Variants in JMJD1C observed in about 807,000 individuals in gnomAD.
JMJD1C encodes jumonji domain-containing protein 1C.
JMJD1C carries 31 observed loss-of-function variants against 245.3 expected under a neutral mutation model. That is an observed-to-expected ratio of 0.13 (90% CI 0.09 to 0.17). The LOEUF (loss-of-function observed/expected upper bound fraction) is 0.17. JMJD1C is among the 10% of genes least tolerant of loss of function. JMJD1C has a pLI of 1.00. For missense variants in JMJD1C, 2,691 were observed against 3,000.2 expected (o/e 0.90, Z 2.41); for synonymous variants, 1,057 against 1,017.4 (o/e 1.04, Z -0.74).
chr10:63,289,955 A>G (rs1395826110), intron 2 of JMJD1C, among the ~76,000 whole-genome samples: 1 of 152,100 alleles, frequency 6.6e-6, no homozygotes, highest in East Asian at 1.9e-4. Context: ...AAAATCACAG[A>G]AGTTAAAAAA....
At chr10:63,382,217 C>T (rs915933078) in intron 1 of JMJD1C, among the ~76,000 whole-genome samples, 20 of 152,136 alleles carry the variant, frequency 1.3e-4, no homozygotes, top group African/African-American at 4.8e-4. Flanking sequence ...GTCACACACA[C>T]ACAGAAGAGA....
intron 2 of JMJD1C, among the ~76,000 whole-genome samples, chr10:63,311,361 AGAGT>A (rs1939175202): frequency 6.6e-6 from 1 of 152,192 alleles, no homozygotes; most frequent in Admixed American, 6.5e-5. Flanking sequence ...CCTGGGCAAC[AGAGT>A]GAGACTCTGT....
chr10:63,199,035 G>A (rs1845745158), intron 11 of JMJD1C, among the ~76,000 whole-genome samples: 1 of 152,082 alleles, frequency 6.6e-6, no homozygotes, highest in South Asian at 2.1e-4. Context: ...GTAAAAATGT[G>A]GGCCCAATGT....
At chr10:63,360,198 G>T (rs1945205150) in intron 2 of JMJD1C, among the ~76,000 whole-genome samples, 1 of 151,998 alleles carries the variant, frequency 6.6e-6, no homozygotes, top group Admixed American at 6.6e-5. Context: ...TGCATTCTTA[G>T]AAGAATGATC....
In JMJD1C at chr10:63,288,942, ATATTT is replaced by A. The variant is rs369477258; in HGVS notation, c.334-24183_334-24179del. Among the ~76,000 whole-genome samples, 238 of 149,472 alleles carry A rather than the reference ATATTT, an allele frequency of 1.6e-3. 1 individual carries two copies. The highest frequency in any genetic ancestry group is 5.6e-3 in the African/African-American group (231 of 40,890). ...AATAATAATAATGATAATAATCTGTATATTTTATTTAAGTCTTTTTTCTTAATCCG... is the reference window on the plus strand; with the variant it reads ...AATAATAATAATGATAATAATCTGTATATTTAAGTCTTTTTTCTTAATCCG... On this transcript the variant is annotated intron_variant, in intron 2 of 25. Transcript: ENST00000399262.
chr10:63,353,774 G>A (rs7913278), intron 2 of JMJD1C, among the ~76,000 whole-genome samples: 100,929 of 151,840 alleles, frequency 0.66, 36,142 homozygotes, highest in Non-Finnish European at 0.81. Context: ...CCCAAGCGCT[G>A]GGATTACAGG....
chr10:63,453,572 TAGAA>T (rs1288284149), intron 1 of JMJD1C, among the ~76,000 whole-genome samples: 2 of 152,162 alleles, frequency 1.3e-5, no homozygotes, highest in African/African-American at 4.8e-5. Flanking sequence ...AATTTCAAAT[TAGAA>T]AGAATTTCTT....
chr10:63,480,630 TAAA>T (rs35372705), intron 1 of JMJD1C, among the ~76,000 whole-genome samples: 3 of 144,280 alleles, frequency 2.1e-5, no homozygotes, highest in Admixed American at 6.9e-5. Flanking sequence ...AGTACTATTG[TAAA>T]AAAAAAAAAA....
intron 3 of JMJD1C, among the ~76,000 whole-genome samples, chr10:63,248,219 T>C (rs985460061): frequency 6.6e-5 from 10 of 151,902 alleles, no homozygotes; most frequent in South Asian, 2.1e-4. Context: ...TCCCAGCACT[T>C]TGGGAGGCCG....
At chr10:63,210,053 A>G (rs1292713432) in intron 8 of JMJD1C, among the ~76,000 whole-genome samples, 1 of 152,198 alleles carries the variant, frequency 6.6e-6, no homozygotes, top group African/African-American at 2.4e-5. Flanking sequence ...TCTCAAAATA[A>G]TGCAAAAGCA....
At chr10:63,278,779 C>T (rs779218948) in intron 2 of JMJD1C, among the ~76,000 whole-genome samples, 7 of 145,350 alleles carry the variant, frequency 4.8e-5, no homozygotes, top group South Asian at 2.2e-4. Context: ...GCAGAGGTTG[C>T]GGTGAGCTGA....
chr10:63,191,909 T>TG (rs60535962), intron 16 of JMJD1C, among the ~76,000 whole-genome samples: 145,303 of 147,444 alleles, frequency 0.99, 71,623 homozygotes, highest in Middle Eastern at 1. Flanking sequence ...CGCTGGAACC[T>TG]GAAGTCAGAG....
chr10:63,249,360 T>C (rs538596674), intron 3 of JMJD1C, among the ~76,000 whole-genome samples: 9 of 152,026 alleles, frequency 5.9e-5, no homozygotes, highest in South Asian at 2.1e-4. Flanking sequence ...TGCTTAAAGA[T>C]AGACAGTAGA....
At chr10:63,288,673 T>TCAGGA in intron 2 of JMJD1C, among the ~76,000 whole-genome samples, 1 of 151,892 alleles carries the variant, frequency 6.6e-6, no homozygotes, top group East Asian at 1.9e-4. Flanking sequence ...GAGGCCAAGG[T>TCAGGA]GTTTGAGACC....
chr10:63,453,824 C>T (rs897220304), intron 1 of JMJD1C, among the ~76,000 whole-genome samples: 4 of 152,156 alleles, frequency 2.6e-5, no homozygotes, highest in Non-Finnish European at 5.9e-5. Context: ...CTGCAACCTC[C>T]GCCTCCTAGG....
At chr10:63,266,783 TC>T (rs1855624525) in intron 2 of JMJD1C, among the ~76,000 whole-genome samples, 1 of 152,120 alleles carries the variant, frequency 6.6e-6, no homozygotes, top group South Asian at 2.1e-4. Context: ...GAAGTAAAGT[TC>T]TCCTTCTGGA....
chr10:63,325,478 A>G (rs1941396765), intron 2 of JMJD1C, among the ~76,000 whole-genome samples: 2 of 152,148 alleles, frequency 1.3e-5, no homozygotes, highest in African/African-American at 2.4e-5. Flanking sequence ...AGTAGCTGAG[A>G]CCACAGGCAC....
intron 1 of JMJD1C, among the ~76,000 whole-genome samples, chr10:63,436,519 C>T (rs1380459812): frequency 2.0e-5 from 3 of 152,162 alleles, no homozygotes; most frequent in African/African-American, 7.2e-5. Flanking sequence ...TACTAACCTA[C>T]TACCATCAAC....
intron 22 of JMJD1C, among the ~76,000 whole-genome samples, chr10:63,178,243 A>C (rs909046855): frequency 6.6e-6 from 1 of 152,198 alleles, no homozygotes; most frequent in African/African-American, 2.4e-5. Context: ...CCCTGGCCAG[A>C]TCAGTACTCT....
Sources: gnomAD v4.1 joint callset for allele counts (sites outside exome capture counted in the v4.1 genomes callset) on GRCh38, gnomAD v4.1.1 for gene constraint, MANE v1.5 for transcripts, NCBI Gene and HGNC (gene_info 2026-07-23, HGNC 2026-07-21) for gene names.